Variants in PHC3 observed in about 807,000 individuals in gnomAD.
The protein encoded by PHC3 is polyhomeotic-like protein 3.
PHC3 carries 13 observed loss-of-function variants against 107.4 expected under a neutral mutation model. The observed-to-expected ratio is 0.12, with a 90% CI of 0.08 to 0.19. The LOEUF (loss-of-function observed/expected upper bound fraction) is 0.19, where lower values mean the gene tolerates loss of function less well. PHC3 is among the 10% of genes least tolerant of loss of function. The probability of loss-of-function intolerance (pLI) is 1.00; values close to 1 mark genes in which losing one functional copy is unlikely to be tolerated. For missense variants in PHC3, 992 were observed against 1,210.9 expected (o/e 0.82, Z 2.68); for synonymous variants, 456 against 427.4 (o/e 1.07, Z -0.83).
chr3:170,148,307 A>T (rs1725347656), intron 5 of PHC3: 1 of 152,132 alleles, frequency 6.6e-6, no homozygotes, highest in Admixed American at 6.6e-5. Context: ...AACAACAAAA[A>T]CTGGAGATCC....
At chr3:170,144,965 CA>C (rs1219142695) in intron 6 of PHC3, among the ~76,000 whole-genome samples, 6 of 152,138 alleles carry the variant, frequency 3.9e-5, no homozygotes, top group Non-Finnish European at 7.4e-5. Flanking sequence ...CCTGGGCCTC[CA>C]AAAAGTGCTG....
At chr3:170,110,173 T>C (rs1211375239) in intron 11 of PHC3, among the ~76,000 whole-genome samples, 1 of 152,090 alleles carries the variant, frequency 6.6e-6, no homozygotes. Flanking sequence ...AATTTATACA[T>C]ACATCCTACA....
intron 14 of PHC3, among the ~76,000 whole-genome samples, chr3:170,101,772 T>A (rs1471792449): frequency 2.6e-5 from 4 of 152,084 alleles, no homozygotes; most frequent in Non-Finnish European, 5.9e-5. Flanking sequence ...TATAAAAGAT[T>A]ATTGTTGTTT....
chr3:170,141,638 G>C (rs1472430639), intron 6 of PHC3, among the ~76,000 whole-genome samples: 1 of 152,008 alleles, frequency 6.6e-6, no homozygotes, highest in African/African-American at 2.4e-5. Flanking sequence ...TTGAGACAGG[G>C]TCTCACTTTG....
chr3:170,144,976 G>A (rs1724717133), intron 6 of PHC3, among the ~76,000 whole-genome samples: 1 of 152,150 alleles, frequency 6.6e-6, no homozygotes, highest in Admixed American at 6.5e-5. Flanking sequence ...AAAAAGTGCT[G>A]GGATTACAGG....
At chr3:170,115,877 T>TCTCACACACA (rs1553782582) in intron 10 of PHC3, among the ~76,000 whole-genome samples, 1 of 148,458 alleles carries the variant, frequency 6.7e-6, no homozygotes, top group African/African-American at 2.5e-5. Context: ...TCCAAGTTTC[T>TCTCACACACA]CACACACACA....
At chr3:170,150,608 G>A (rs936545076) in intron 4 of PHC3, 11 of 209,724 alleles carry the variant, frequency 5.2e-5, no homozygotes, top group Non-Finnish European at 6.6e-5. Context: ...AGCTACTCGG[G>A]AGGCTGAGGC....
chr3:170,134,937 G>C (rs1457091221), intron 7 of PHC3, among the ~76,000 whole-genome samples: 1 of 152,164 alleles, frequency 6.6e-6, no homozygotes, highest in Non-Finnish European at 1.5e-5. Context: ...AGGGTAATCA[G>C]ACAATGCCAC....
At chr3:170,121,318 G>C (rs568804953) in intron 9 of PHC3, among the ~76,000 whole-genome samples, 160 of 151,998 alleles carry the variant, frequency 1.1e-3, no homozygotes, top group African/African-American at 3.7e-3. Context: ...TTAAAAAAAA[G>C]AAAGAAAACA....
chr3:170,142,294 A>T (rs1224645211), intron 6 of PHC3, among the ~76,000 whole-genome samples: 2 of 152,176 alleles, frequency 1.3e-5, no homozygotes, highest in South Asian at 4.1e-4. Flanking sequence ...TTAAGGACTT[A>T]TAATAATAAA....
intron 4 of PHC3, among the ~76,000 whole-genome samples, chr3:170,160,313 A>C (rs1046739677): frequency 6.6e-6 from 1 of 152,168 alleles, no homozygotes; most frequent in Non-Finnish European, 1.5e-5. Context: ...ACAATCCTCA[A>C]AGATCTCTCT....
At chr3:170,138,722 G>C (rs1477332460) in intron 6 of PHC3, among the ~76,000 whole-genome samples, 1 of 143,776 alleles carries the variant, frequency 7.0e-6, no homozygotes, top group Admixed American at 6.9e-5. Context: ...ATAAGAAAAA[G>C]AAATATTAGA....
At position 170,129,314 on chromosome 3, in the gene PHC3, C is replaced by A. The variant is rs1479014613; in HGVS notation, c.1158G>T (p.Pro386=). ...TTAAAGGAGAGGGATGACTCTGAAT[C>A]GGTGAACAATGCTGTGACTGGGCAT... ...PSNAQSQHCS[P]IQSHPSPLTV... is the part of the protein sequence containing the mutation. Residue 386 remains proline, a synonymous_variant, in exon 8 of 15, where the codon CCG becomes CCT. Coordinates refer to ENST00000495893, the MANE Select transcript of PHC3 (RefSeq NM_024947.4). 1 of 1,613,958 alleles carries A rather than the reference C, an allele frequency of 6.2e-7. No individual in the cohort carries two copies. Among genetic ancestry groups the A allele is most frequent in the Non-Finnish European group, 8.5e-7 (1 of 1,179,882 alleles).
intron 4 of PHC3, among the ~76,000 whole-genome samples, chr3:170,152,059 G>GTA (rs1215804318): frequency 3.3e-5 from 5 of 151,998 alleles, no homozygotes; most frequent in Admixed American, 2.6e-4. Context: ...TTCTCTAAAT[G>GTA]TATATATATC....
At position 170,181,683 on chromosome 3, in the gene PHC3, T is replaced by A. The variant is rs750468232; in HGVS notation, c.14+19A>T. 6.2e-7 allele frequency: 1 copy of A among 1,613,296 alleles called. No individual in the cohort carries two copies. The highest frequency in any genetic ancestry group is 1.3e-5 in the African/African-American group (1 of 74,986). Reference sequence around the variant, plus strand: ...TCGCCCCCCCTAGTTACGACATCAGTCACCATCTAGTCACTCACTCCGCTT... The same window carrying A: ...TCGCCCCCCCTAGTTACGACATCAGACACCATCTAGTCACTCACTCCGCTT... On this transcript the variant is annotated intron_variant, in intron 1 of 14. Coordinates refer to ENST00000495893, the MANE Select transcript of PHC3 (RefSeq NM_024947.4).
chr3:170,154,651 C>T (rs1459644784), intron 4 of PHC3, among the ~76,000 whole-genome samples: 1 of 152,148 alleles, frequency 6.6e-6, no homozygotes, highest in African/African-American at 2.4e-5. Context: ...GTGAAGACAA[C>T]TAGCAACGCC....
rs1406849219 is a variant in PHC3 at position 170,136,267 on chromosome 3, T to C, written c.919+152A>G. ...ATCTTTTGGGCTTTTTTGTCTCTTT[T>C]CAAGCTACACATTAAGATTAAGTTT... On this transcript the variant is annotated intron_variant, in intron 7 of 14. Coordinates refer to ENST00000495893, the MANE Select transcript of PHC3 (RefSeq NM_024947.4). The C allele has an allele frequency of 1.0e-5, 9 of 901,866 alleles. No homozygotes were observed. In the Admixed American group the frequency reaches 3.1e-4, roughly 31 times the overall value. The allele number at this position is 901,866 out of a possible 1,614,324, so 55.9% of individuals were successfully genotyped here. A position where few individuals can be genotyped will look rare whatever the true frequency, so the allele number is the denominator to read the frequency against.
At chr3:170,126,529 T>TATATATATATATATATCTATA (rs1491097010) in intron 8 of PHC3, among the ~76,000 whole-genome samples, 4 of 39,984 alleles carry the variant, frequency 1.0e-4, no homozygotes, top group Non-Finnish European at 1.6e-4. Context: ...TATATATATA[T>TATATATATATATATATCTATA]TTTTTTTTTT....
At chr3:170,181,526 G>A (rs1461396562) in intron 1 of PHC3, among the ~76,000 whole-genome samples, 176 bp downstream of exon 1, 1 of 152,178 alleles carries the variant, frequency 6.6e-6, no homozygotes, top group Non-Finnish European at 1.5e-5. Context: ...GGACCCTAGA[G>A]TTCGTCTTCG....
Sources: gnomAD v4.1 joint callset for allele counts (sites outside exome capture counted in the v4.1 genomes callset) on GRCh38, gnomAD v4.1.1 for gene constraint, MANE v1.5 for transcripts, NCBI Gene and HGNC (gene_info 2026-07-23, HGNC 2026-07-21) for gene names.